Variants in KCNH7 observed in about 807,000 individuals in gnomAD.
KCNH7 encodes potassium voltage-gated channel subfamily H member 7, also known as voltage-gated inwardly rectifying potassium channel KCNH7.
In KCNH7, 49 loss-of-function variants were observed where a neutral mutation model predicts 120.8. That is an observed-to-expected ratio of 0.41 (90% CI 0.32 to 0.51). KCNH7 has a LOEUF of 0.51. Ranked by LOEUF, KCNH7 falls within the 20% of genes least tolerant of loss-of-function variation. KCNH7 has a pLI of 0.38. For missense variants in KCNH7, 1,097 were observed against 1,446.6 expected, an observed-to-expected ratio of 0.76 and a Z score of 3.92; for synonymous variants, 547 against 516.1, an observed-to-expected ratio of 1.06 and a Z score of -0.81.
intron 3 of KCNH7, among the ~76,000 whole-genome samples, chr2:162,531,390 T>G (rs1178961567): frequency 6.6e-6 from 1 of 151,980 alleles, no homozygotes; most frequent in Non-Finnish European, 1.5e-5. Context: ...TCCAATTTGA[T>G]GGACCATGAA....
At chr2:162,831,422 G>T (rs1005967635) in intron 2 of KCNH7, among the ~76,000 whole-genome samples, 9 of 152,108 alleles carry the variant, frequency 5.9e-5, no homozygotes, top group African/African-American at 1.4e-4. Flanking sequence ...TGCTATTTGA[G>T]AAATATTTCT....
At chr2:162,504,952 C>A (rs1270240059) in intron 5 of KCNH7, among the ~76,000 whole-genome samples, 1 of 151,966 alleles carries the variant, frequency 6.6e-6, no homozygotes, top group South Asian at 2.1e-4. Context: ...AAACTACACT[C>A]TCTGTTACTG....
intron 6 of KCNH7, among the ~76,000 whole-genome samples, chr2:162,492,183 G>A (rs1243318508): frequency 1.3e-5 from 2 of 152,116 alleles, no homozygotes; most frequent in East Asian, 1.9e-4. Context: ...ATGGAAAAAA[G>A]GATTTGTGCC....
intron 2 of KCNH7, among the ~76,000 whole-genome samples, chr2:162,690,514 A>G (rs1440092878): frequency 6.6e-6 from 1 of 152,172 alleles, no homozygotes; most frequent in African/African-American, 2.4e-5. Flanking sequence ...TTATTTCTAG[A>G]AATTCTGTTT....
intron 7 of KCNH7, 101 bp from the exon 8 acceptor site, chr2:162,435,698 G>T: frequency 1.7e-6 from 2 of 1,160,442 alleles, no homozygotes; most frequent in Non-Finnish European, 2.4e-6. Context: ...CAATAGGGTA[G>T]CATTAAGGAT....
chr2:162,582,326 G>A (rs1693897647), intron 2 of KCNH7, among the ~76,000 whole-genome samples: 1 of 151,998 alleles, frequency 6.6e-6, no homozygotes, highest in Non-Finnish European at 1.5e-5. Context: ...AATAAACCCA[G>A]GAGACATTAT....
chr2:162,464,441 T>A (rs1034507723), intron 6 of KCNH7, among the ~76,000 whole-genome samples: 2 of 151,976 alleles, frequency 1.3e-5, no homozygotes, highest in African/African-American at 4.8e-5. Flanking sequence ...CAAAAAGTAT[T>A]ATGCAAGTGA....
chr2:162,725,193 A>T lies in KCNH7; in HGVS notation c.307+111344T>A, dbSNP rs1660475723. Among the ~76,000 whole-genome samples, 4 of 152,226 alleles carry T rather than the reference A, an allele frequency of 2.6e-5. No individual in the cohort carries two copies. The South Asian group carries it at 8.3e-4, about 31-fold the overall frequency. ...CACAAATTTGTTATTCGTAATACTC[A>T]TTCCTATACTTTATATTCACTTTGA... On this transcript the variant is annotated intron_variant, in intron 2 of 15. Coordinates refer to ENST00000332142, the MANE Select transcript of KCNH7 (RefSeq NM_033272.4).
chr2:162,563,811 A>G (rs774669259), intron 2 of KCNH7, among the ~76,000 whole-genome samples: 2 of 152,124 alleles, frequency 1.3e-5, no homozygotes, highest in African/African-American at 4.8e-5. Context: ...ACAATCTGTC[A>G]TCTTACAAAG....
intron 2 of KCNH7, among the ~76,000 whole-genome samples, chr2:162,648,143 T>C (rs764984404): frequency 2.6e-5 from 4 of 152,038 alleles, no homozygotes; most frequent in Non-Finnish European, 5.9e-5. Context: ...TGAGACTGAG[T>C]AATTTATGAA....
intron 2 of KCNH7, among the ~76,000 whole-genome samples, chr2:162,570,879 A>C (rs1379614660): frequency 6.6e-6 from 1 of 152,146 alleles, no homozygotes; most frequent in Non-Finnish European, 1.5e-5. Flanking sequence ...TAAATTAGGT[A>C]TTGATGGGCC....
At chr2:162,749,856 A>G (rs1016865557) in intron 2 of KCNH7, among the ~76,000 whole-genome samples, 1 of 152,204 alleles carries the variant, frequency 6.6e-6, no homozygotes, top group Admixed American at 6.5e-5. Context: ...AATGAAAGGA[A>G]AAGAACATTC....
At chr2:162,772,294 G>T (rs1683085341) in intron 2 of KCNH7, among the ~76,000 whole-genome samples, 4 of 152,192 alleles carry the variant, frequency 2.6e-5, no homozygotes, top group Middle Eastern at 6.8e-3. Flanking sequence ...TTTTTATGAG[G>T]TAAGCTATAC....
At chr2:162,484,732 C>G (rs566073148) in intron 6 of KCNH7, among the ~76,000 whole-genome samples, 44 of 152,162 alleles carry the variant, frequency 2.9e-4, no homozygotes, top group Non-Finnish European at 5.6e-4. Context: ...TGGTGCCAAC[C>G]TCATGGTAAT....
intron 2 of KCNH7, among the ~76,000 whole-genome samples, chr2:162,617,035 A>T (rs1683161125): frequency 6.6e-6 from 1 of 152,174 alleles, no homozygotes; most frequent in Non-Finnish European, 1.5e-5. Context: ...ATCATGTCAT[A>T]GACCTAGAAA....
In KCNH7 at chr2:162,572,176, T is replaced by C. The variant is rs1443053611; in HGVS notation, c.308-35096A>G. Among the ~76,000 whole-genome samples, 5 of 152,004 alleles carry C rather than the reference T, an allele frequency of 3.3e-5. No individual in the cohort carries two copies. The East Asian group carries it at 5.8e-4, about 18-fold the overall frequency. On this transcript the variant is annotated intron_variant, in intron 2 of 15. Coordinates refer to ENST00000332142, the MANE Select transcript of KCNH7 (RefSeq NM_033272.4). The stretch of plus-strand genomic sequence containing the variant: ...ACAAAGGGCTAATATCCAGAATCTA[T>C]AATGAGCTCCAACAAATTTACAAGA...
At chr2:162,655,112 TAA>T (rs1403548232) in intron 2 of KCNH7, among the ~76,000 whole-genome samples, 1 of 152,106 alleles carries the variant, frequency 6.6e-6, no homozygotes, top group Non-Finnish European at 1.5e-5. Flanking sequence ...TGAAAATTGC[TAA>T]GAGAGTAGAT....
intron 6 of KCNH7, among the ~76,000 whole-genome samples, chr2:162,449,626 G>A (rs1049175757): frequency 5.3e-5 from 8 of 151,976 alleles, no homozygotes; most frequent in East Asian, 1.9e-4. Flanking sequence ...CATGTGTCAC[G>A]GGAGCAGATA....
chr2:162,535,073 T>C (rs1303672568), intron 3 of KCNH7, among the ~76,000 whole-genome samples: 1 of 151,758 alleles, frequency 6.6e-6, no homozygotes, highest in Non-Finnish European at 1.5e-5. Context: ...TTTAAGTCAA[T>C]GGAAACTTTC....
Sources: gnomAD v4.1 joint callset for allele counts (sites outside exome capture counted in the v4.1 genomes callset) on GRCh38, gnomAD v4.1.1 for gene constraint, MANE v1.5 for transcripts, NCBI Gene and HGNC (gene_info 2026-07-23, HGNC 2026-07-21) for gene names.